ABCA5: variants seen among roughly 807,000 people sequenced by gnomAD.
ABCA5 encodes cholesterol transporter ABCA5.
A neutral mutation model predicts 206.0 loss-of-function variants in ABCA5; 163 were observed. The observed-to-expected ratio is 0.79, with a 90% CI of 0.70 to 0.90. The LOEUF is 0.90. Ranked by LOEUF, ABCA5 falls within the 40% of genes least tolerant of loss-of-function variation. ABCA5 has a pLI of 0.00. For missense variants in ABCA5, 1,859 were observed against 1,912.9 expected, an observed-to-expected ratio of 0.97 and a Z score of 0.53; for synonymous variants, 609 against 613.8, an observed-to-expected ratio of 0.99 and a Z score of 0.11.
At chr17:69,313,868 T>C (rs527463336) in intron 2 of ABCA5, among the ~76,000 whole-genome samples, 3 of 152,322 alleles carry the variant, frequency 2.0e-5, no homozygotes, top group African/African-American at 7.2e-5. Flanking sequence ...TACTAGCTGG[T>C]TACCCAAGTT....
At chr17:69,276,618 C>A (rs2075334866) in intron 19 of ABCA5, among the ~76,000 whole-genome samples, 1 of 152,068 alleles carries the variant, frequency 6.6e-6, no homozygotes, top group Non-Finnish European at 1.5e-5. Flanking sequence ...AACACATGGA[C>A]ACAAGGAGGG....
intron 28 of ABCA5, among the ~76,000 whole-genome samples, chr17:69,256,867 A>G (rs1018133422): frequency 6.6e-6 from 1 of 152,136 alleles, no homozygotes; most frequent in Non-Finnish European, 1.5e-5. Context: ...ATTACACAGA[A>G]AGAAAGATGA....
At position 69,247,226 on chromosome 17, in the gene ABCA5, A is replaced by G. The variant is rs2074961177; in HGVS notation, c.*311T>C. On this transcript the variant is annotated 3_prime_UTR_variant, in exon 39 of 39. Transcript: ENST00000392676. ...TAAACTTAAAGATAACTTAAAAATA[A>G]AACTATTCTATTACAATTCCTTTAA... 1 of 184,980 alleles carries G rather than the reference A, an allele frequency of 5.4e-6. No individual in the cohort carries two copies. The allele number at this position is 184,980 out of a possible 1,614,324, so 11.5% of individuals were successfully genotyped here.
At position 69,318,982 on chromosome 17, in the gene ABCA5, G is replaced by C. The variant is rs2075841354; in HGVS notation, c.-15-4552C>G. The C allele has an allele frequency of 1.4e-5, 7 of 514,666 alleles. No individual in the cohort carries two copies. In the South Asian group the frequency reaches 1.6e-4, roughly 12 times the overall value. The allele number at this position is 514,666 out of a possible 1,614,324, so 31.9% of individuals were successfully genotyped here. On this transcript the variant is annotated intron_variant, in intron 1 of 38. Transcript: ENST00000392676. The stretch of plus-strand genomic sequence containing the variant: ...AAGTATAAATAATGGCTGTTCAGCA[G>C]AAAAACCCATGTCTCCCTCTCAAAA...
At chr17:69,314,497 G>A (rs72847005) in intron 1 of ABCA5, 67 bp from the exon 2 acceptor site, 89 of 925,278 alleles carry the variant, frequency 9.6e-5, no homozygotes, top group East Asian at 4.8e-4. Context: ...AATTTTTAAC[G>A]GCAAAATAAG....
chr17:69,283,862 A>G, intron 18 of ABCA5, 91 bp downstream of exon 18: 1 of 1,322,972 alleles, frequency 7.6e-7, no homozygotes, highest in Non-Finnish European at 1.0e-6. Flanking sequence ...TTTATTCTAA[A>G]AAAAATATAA....
intron 10 of ABCA5, among the ~76,000 whole-genome samples, chr17:69,295,667 G>A (rs949125209): frequency 6.6e-6 from 1 of 152,112 alleles, no homozygotes; most frequent in Non-Finnish European, 1.5e-5. Context: ...TCAATATTGT[G>A]TACATTAAGC....
At chr17:69,317,760 G>A (rs936407461) in intron 1 of ABCA5, 5 of 152,150 alleles carry the variant, frequency 3.3e-5, no homozygotes, top group Non-Finnish European at 7.3e-5. Flanking sequence ...GAAGATCCTT[G>A]AAATCCTTTC....
intron 8 of ABCA5, among the ~76,000 whole-genome samples, chr17:69,302,486 A>G (rs965200848): frequency 2.6e-5 from 4 of 152,248 alleles, no homozygotes; most frequent in Non-Finnish European, 5.9e-5. Context: ...ACTGAGATAC[A>G]CTGAAGTAAA....
intron 1 of ABCA5, chr17:69,315,197 C>A (rs1381307951): frequency 6.6e-6 from 1 of 152,220 alleles, no homozygotes; most frequent in Non-Finnish European, 1.5e-5. Flanking sequence ...ATACATAAAT[C>A]CAATCCTATT....
At chr17:69,303,016 A>G in intron 7 of ABCA5, 110 bp from the exon 8 acceptor site, 1 of 520,248 alleles carries the variant, frequency 1.9e-6, no homozygotes, top group South Asian at 5.1e-5. Flanking sequence ...AAATGCATTC[A>G]TAAAAATACA....
chr17:69,307,056 AC>A, intron 5 of ABCA5, 102 bp from the exon 6 acceptor site: 2 of 615,396 alleles, frequency 3.2e-6, no homozygotes, highest in Non-Finnish European at 5.0e-6. Flanking sequence ...GTAACCTAGT[AC>A]AAATACAATC....
intron 1 of ABCA5, among the ~76,000 whole-genome samples, chr17:69,316,012 G>C (rs1375324074): frequency 6.6e-6 from 1 of 151,838 alleles, no homozygotes; most frequent in Non-Finnish European, 1.5e-5. Flanking sequence ...AACACAATAA[G>C]AAATAAATAC....
intron 18 of ABCA5, among the ~76,000 whole-genome samples, chr17:69,280,951 G>A (rs1053148564): frequency 1.3e-5 from 2 of 151,894 alleles, no homozygotes; most frequent in South Asian, 4.1e-4. Context: ...GTTAGTGGGT[G>A]CAGCACACCA....
At chr17:69,295,099 GA>G (rs1435362882) in intron 10 of ABCA5, among the ~76,000 whole-genome samples, 1 of 151,954 alleles carries the variant, frequency 6.6e-6, no homozygotes, top group Non-Finnish European at 1.5e-5. Flanking sequence ...AAAATGTTAA[GA>G]AATTATAAGG....
Position 69,286,207 on chromosome 17 carries a change from A to G in ABCA5, c.2132+14T>C, listed in dbSNP as rs1282267437. ...AGTATAATATAGAATAATGTCAATA[A>G]AAATGAATGATACCTCAGGCGGTAG... On this transcript the variant is annotated intron_variant, in intron 16 of 38. Coordinates refer to ENST00000392676, the MANE Select transcript of ABCA5 (RefSeq NM_172232.4). 6.3e-7 allele frequency: 1 copy of G among 1,599,194 alleles called. No individual in the cohort carries two copies. Among genetic ancestry groups the G allele is most frequent in the East Asian group, 2.2e-5 (1 of 44,578 alleles).
At chr17:69,309,092 T>G (rs1247195734) in intron 4 of ABCA5, among the ~76,000 whole-genome samples, 170 bp downstream of exon 4, 1 of 152,134 alleles carries the variant, frequency 6.6e-6, no homozygotes, top group Admixed American at 6.6e-5. Context: ...TAGAAGTAGA[T>G]AGGTATTTAT....
intron 10 of ABCA5, among the ~76,000 whole-genome samples, chr17:69,295,777 CTAACA>C (rs967400165): frequency 1.3e-5 from 2 of 151,944 alleles, no homozygotes; most frequent in Admixed American, 1.3e-4. Context: ...CATGACATAC[CTAACA>C]TTTGTTTTTG....
chr17:69,300,722 T>G (rs2075643356), intron 9 of ABCA5, among the ~76,000 whole-genome samples: 1 of 152,206 alleles, frequency 6.6e-6, no homozygotes, highest in Admixed American at 6.5e-5. Flanking sequence ...AAAGGAAATA[T>G]GCTCAATACT....
Sources: gnomAD v4.1 joint callset for allele counts (sites outside exome capture counted in the v4.1 genomes callset) on GRCh38, gnomAD v4.1.1 for gene constraint, MANE v1.5 for transcripts, NCBI Gene and HGNC (gene_info 2026-07-23, HGNC 2026-07-21) for gene names.